Variants in NUBPL observed in about 807,000 individuals in gnomAD.
NUBPL encodes the protein iron-sulfur cluster transfer protein NUBPL.
Under a neutral mutation model 45.7 loss-of-function variants are expected in NUBPL, and 31 were observed. The ratio of observed to expected loss-of-function variants is 0.68; its 90% CI spans 0.51 to 0.92. The LOEUF is 0.92. Ranked by LOEUF, NUBPL falls within the 40% of genes least tolerant of loss-of-function variation. NUBPL has a pLI of 0.00. For missense variants in NUBPL, 401 were observed against 398.7 expected (o/e 1.01, Z -0.05); for synonymous variants, 144 against 140.9 (o/e 1.02, Z -0.15).
At chr14:31,759,492 A>G (rs1337477802) in intron 6 of NUBPL, among the ~76,000 whole-genome samples, 1 of 152,138 alleles carries the variant, frequency 6.6e-6, no homozygotes, top group Non-Finnish European at 1.5e-5. Flanking sequence ...TAATATATGT[A>G]GACATTGTGG....
At chr14:31,822,529 G>T (rs1244373677) in intron 7 of NUBPL, among the ~76,000 whole-genome samples, 1 of 152,092 alleles carries the variant, frequency 6.6e-6, no homozygotes, top group Non-Finnish European at 1.5e-5. Context: ...TACAGCAAAA[G>T]AGGTAGTGAT....
At chr14:31,654,597 C>T (rs2036097059) in intron 4 of NUBPL, among the ~76,000 whole-genome samples, 1 of 151,870 alleles carries the variant, frequency 6.6e-6, no homozygotes, top group Admixed American at 6.6e-5. Flanking sequence ...TTTTAGTAGA[C>T]ATGGGGTTTC....
intron 3 of NUBPL, among the ~76,000 whole-genome samples, chr14:31,585,586 G>A (rs1381121292): frequency 6.6e-6 from 1 of 152,146 alleles, no homozygotes; most frequent in Non-Finnish European, 1.5e-5. Context: ...GTGATCATAC[G>A]GTAACTCTCT....
intron 6 of NUBPL, among the ~76,000 whole-genome samples, chr14:31,735,589 C>G (rs898660113): frequency 2.6e-5 from 4 of 152,010 alleles, no homozygotes; most frequent in African/African-American, 9.7e-5. Context: ...CGCGGTGGCT[C>G]ACGCCTGTAA....
chr14:31,645,041 A>G (rs755190055), intron 4 of NUBPL, among the ~76,000 whole-genome samples: 3 of 149,844 alleles, frequency 2.0e-5, no homozygotes, highest in Admixed American at 1.3e-4. Context: ...GTGTGTCTTT[A>G]TATGTGAGGT....
rs113209146 is a variant in NUBPL at position 31,577,046 on chromosome 14, G to A, written c.291+11998G>A. Reference sequence around the variant, plus strand: ...GTGACCTTGCCTTGGTAGTCAGGCTGGATTAGTGGTTGAAGTAGTTATGTG... The same window carrying A: ...GTGACCTTGCCTTGGTAGTCAGGCTAGATTAGTGGTTGAAGTAGTTATGTG... On this transcript the variant is annotated intron_variant, in intron 3 of 10. Transcript: ENST00000281081. Among the ~76,000 whole-genome samples the A allele has an allele frequency of 7.4e-4, 112 of 152,266 alleles. 1 individual carries two copies. Among genetic ancestry groups the A allele is most frequent in the African/African-American group, 2.4e-3 (101 of 41,558 alleles).
intron 10 of NUBPL, among the ~76,000 whole-genome samples, chr14:31,858,509 C>T (rs1385023622): frequency 6.6e-6 from 1 of 152,128 alleles, no homozygotes; most frequent in African/African-American, 2.4e-5. Context: ...GCTTGTGGCC[C>T]ACTCTGTGGC....
intron 10 of NUBPL, among the ~76,000 whole-genome samples, chr14:31,857,972 C>G (rs1310856580): frequency 1.3e-5 from 2 of 152,172 alleles, no homozygotes; most frequent in African/African-American, 4.8e-5. Flanking sequence ...TACCAACTTA[C>G]CGTAATAGTT....
chr14:31,684,377 C>T (rs544034072), intron 6 of NUBPL, among the ~76,000 whole-genome samples: 1 of 152,262 alleles, frequency 6.6e-6, no homozygotes, highest in Non-Finnish European at 1.5e-5. Context: ...GGCTTTTCAG[C>T]ATTGCTTTAT....
chr14:31,684,324 A>G (rs1353747814), intron 6 of NUBPL, among the ~76,000 whole-genome samples: 1 of 151,968 alleles, frequency 6.6e-6, no homozygotes, highest in Non-Finnish European at 1.5e-5. Context: ...CTTTTTTTTC[A>G]CATTTTAACT....
chr14:31,718,768 T>G (rs546956112), intron 6 of NUBPL, among the ~76,000 whole-genome samples: 4 of 152,288 alleles, frequency 2.6e-5, no homozygotes, highest in Admixed American at 2.0e-4. Context: ...TTTTGTTAAG[T>G]GCAAAAAGGG....
intron 6 of NUBPL, among the ~76,000 whole-genome samples, chr14:31,698,741 T>C (rs2037268730): frequency 6.6e-6 from 1 of 152,240 alleles, no homozygotes; most frequent in Admixed American, 6.5e-5. Context: ...AAAAAATTTC[T>C]ATACTATTTG....
intron 6 of NUBPL, among the ~76,000 whole-genome samples, chr14:31,712,910 C>T (rs2037609340): frequency 6.6e-6 from 1 of 152,002 alleles, no homozygotes; most frequent in African/African-American, 2.4e-5. Context: ...AAAACAGGAA[C>T]TAGGGAGGGG....
At chr14:31,710,480 T>A (rs1174724664) in intron 6 of NUBPL, among the ~76,000 whole-genome samples, 1 of 152,122 alleles carries the variant, frequency 6.6e-6, no homozygotes, top group Non-Finnish European at 1.5e-5. Flanking sequence ...GAAGGTCGGA[T>A]TTAGTGACCC....
intron 6 of NUBPL, among the ~76,000 whole-genome samples, chr14:31,751,789 G>T (rs577444665): frequency 3.3e-5 from 5 of 152,316 alleles, no homozygotes; most frequent in African/African-American, 1.2e-4. Context: ...TTTTCCCTCT[G>T]CATTGCCCTA....
intron 6 of NUBPL, chr14:31,686,680 A>T (rs1041752099): frequency 3.3e-5 from 5 of 152,200 alleles, no homozygotes; most frequent in African/African-American, 1.2e-4. Context: ...AGCATTTGCT[A>T]TTGCTTTTCA....
intron 2 of NUBPL, 86 bp downstream of exon 2, chr14:31,562,301 T>G: frequency 7.7e-7 from 1 of 1,294,154 alleles, no homozygotes; most frequent in East Asian, 2.4e-5. Flanking sequence ...TTTTGTGTTT[T>G]AAAAATTTAT....
chr14:31,771,828 C>G lies in NUBPL; in HGVS notation c.514-15952C>G, dbSNP rs1040163042. 3 of 984,144 alleles carry G rather than the reference C, an allele frequency of 3.0e-6. No individual in the cohort carries two copies. In the African/African-American group the frequency reaches 5.2e-5, roughly 17 times the overall value. 61.0% of individuals were successfully genotyped at this position (984,144 alleles called of 1,614,324 possible). A position where few individuals can be genotyped will look rare whatever the true frequency, so the allele number is the denominator to read the frequency against. On this transcript the variant is annotated intron_variant, in intron 6 of 10. Coordinates refer to ENST00000281081, the MANE Select transcript of NUBPL (RefSeq NM_025152.3). ...TTCCATTTACCAGCCCATTTCCACC[C>G]GAGGGACCCTAAGGCTCAAAATTAG...
chr14:31,614,410 C>G (rs1031768196), intron 4 of NUBPL, among the ~76,000 whole-genome samples: 1 of 152,082 alleles, frequency 6.6e-6, no homozygotes, highest in African/African-American at 2.4e-5. Context: ...TTTGGAGGAA[C>G]ATTTAGGGCT....
Sources: gnomAD v4.1 joint callset for allele counts (sites outside exome capture counted in the v4.1 genomes callset) on GRCh38, gnomAD v4.1.1 for gene constraint, MANE v1.5 for transcripts, NCBI Gene and HGNC (gene_info 2026-07-23, HGNC 2026-07-21) for gene names.